SSH2: variants seen among roughly 807,000 people sequenced by gnomAD.
The protein encoded by SSH2 is protein phosphatase Slingshot homolog 2.
Under a neutral mutation model 135.2 loss-of-function variants are expected in SSH2, and 37 were observed. That is an observed-to-expected ratio of 0.27 (90% confidence interval 0.21 to 0.36). The LOEUF is 0.36. Among genes scored for constraint, SSH2 ranks in the 10% least tolerant of loss-of-function variants. The pLI, the probability that SSH2 is intolerant of heterozygous loss-of-function variation, is 1.00. For synonymous variants in SSH2, 628 were observed against 646.2 expected (o/e 0.97, Z 0.43); for missense variants, 1,408 against 1,765.3 (o/e 0.80, Z 3.63).
chr17:29,721,340 C>T (rs1369380908), intron 3 of SSH2, among the ~76,000 whole-genome samples: 2 of 152,190 alleles, frequency 1.3e-5, no homozygotes, highest in African/African-American at 4.8e-5. Flanking sequence ...TATAATCCTA[C>T]ACTTGTTCCC....
chr17:29,728,210 T>C (rs538299161), intron 3 of SSH2, among the ~76,000 whole-genome samples: 2 of 152,114 alleles, frequency 1.3e-5, no homozygotes, highest in South Asian at 4.2e-4. Context: ...TCAGTAAAAT[T>C]GTGGGATACA....
At chr17:29,901,908 C>T (rs776619175) in intron 1 of SSH2, among the ~76,000 whole-genome samples, 4 of 152,084 alleles carry the variant, frequency 2.6e-5, no homozygotes, top group Non-Finnish European at 5.9e-5. Context: ...CTCAGCCTCT[C>T]AAGTAGTAAG....
intron 2 of SSH2, among the ~76,000 whole-genome samples, chr17:29,819,441 AAAAT>A (rs766394318): frequency 1.1e-4 from 17 of 152,340 alleles, no homozygotes; most frequent in South Asian, 6.2e-4. Context: ...TATTTTGTAT[AAAAT>A]AAATAGTCAA....
At chr17:29,670,865 T>C (rs573356441) in intron 9 of SSH2, among the ~76,000 whole-genome samples, 17 of 152,342 alleles carry the variant, frequency 1.1e-4, no homozygotes, top group African/African-American at 4.1e-4. Flanking sequence ...AGGAGAATCC[T>C]GAAGGTCAGA....
intron 2 of SSH2, among the ~76,000 whole-genome samples, chr17:29,814,130 C>CAAAA (rs1402714927): frequency 1.9e-4 from 4 of 21,136 alleles, no homozygotes; most frequent in African/African-American, 7.6e-4. Context: ...GACTTCGTCT[C>CAAAA]AAAAAAAAAA....
At chr17:29,687,969 A>G (rs191897979) in intron 5 of SSH2, among the ~76,000 whole-genome samples, 1 of 152,280 alleles carries the variant, frequency 6.6e-6, no homozygotes, top group Admixed American at 6.5e-5. Flanking sequence ...GTGGGCTGCA[A>G]GAGTTTCTTT....
intron 8 of SSH2, 81 bp downstream of exon 8, chr17:29,676,739 G>A (rs2037737880): frequency 2.6e-6 from 3 of 1,148,316 alleles, no homozygotes; most frequent in Admixed American, 3.5e-5. Context: ...ATAGCAAACT[G>A]TACCATTTCA....
chr17:29,750,455 T>TAAAA (rs1567946002), intron 3 of SSH2, among the ~76,000 whole-genome samples: 1 of 128,136 alleles, frequency 7.8e-6, no homozygotes, highest in Non-Finnish European at 1.8e-5. Flanking sequence ...AAAAAAAAAT[T>TAAAA]TTTTTTTAAA....
At chr17:29,652,583 C>T (rs1255873675) in intron 12 of SSH2, among the ~76,000 whole-genome samples, 1 of 152,048 alleles carries the variant, frequency 6.6e-6, no homozygotes, top group African/African-American at 2.4e-5. Flanking sequence ...GGCAACACTC[C>T]AGCCTGGGTG....
rs116987394 is a variant in SSH2 at position 29,820,193 on chromosome 17, A to G, written c.145-26256T>C. On this transcript the variant is annotated intron_variant, in intron 2 of 15. Coordinates refer to ENST00000540801, the MANE Select transcript of SSH2 (RefSeq NM_001282129.2). The stretch of plus-strand genomic sequence containing the variant: ...TGTACTGGTTAAAGACCTAATGATA[A>G]TAATAGCTATGTGAATAATGTAAAG... 8.9e-4 allele frequency among the ~76,000 whole-genome samples: 136 copies of G among 152,344 alleles called. 1 individual carries two copies. In the East Asian group the frequency reaches 0.023, roughly 25 times the overall value.
In SSH2 at chr17:29,667,189, T is replaced by C. The variant is rs1451178945; in HGVS notation, c.844A>G (p.Lys282Glu). The change falls in exon 10 of 16, where the codon AAA becomes GAA. Residue 282 changes from lysine (K) to glutamate (E), a missense_variant. Lys to Glu is a moderately conservative substitution (Grantham distance 56). Coordinates refer to ENST00000540801, the MANE Select transcript of SSH2 (RefSeq NM_001282129.2). ...TERERTERLI[K>E]TKLREIMMQK... ...ATCATGATCTCCCTTAATTTGGTTT[T>C]AATTAGCCTTTCTGTTCGTTCACGT... The C allele has an allele frequency of 5.6e-6, 9 of 1,613,162 alleles. No individual in the cohort carries two copies. Among genetic ancestry groups the C allele is most frequent in the Non-Finnish European group, 7.6e-6 (9 of 1,179,296 alleles).
chr17:29,735,984 C>T (rs955399652), intron 3 of SSH2, among the ~76,000 whole-genome samples: 1 of 151,544 alleles, frequency 6.6e-6, no homozygotes, highest in African/African-American at 2.4e-5. Context: ...GTAATCCTAG[C>T]TACCTGTGAG....
chr17:29,732,763 CTG>C (rs879713231), intron 3 of SSH2, among the ~76,000 whole-genome samples: 14 of 152,134 alleles, frequency 9.2e-5, no homozygotes, highest in Non-Finnish European at 1.6e-4. Flanking sequence ...AACAGAAAAA[CTG>C]TATTGGTGTG....
intron 5 of SSH2, among the ~76,000 whole-genome samples, chr17:29,688,878 G>A (rs1370664621): frequency 1.3e-5 from 2 of 152,120 alleles, no homozygotes; most frequent in Admixed American, 6.5e-5. Flanking sequence ...CTTTTAGGCC[G>A]GGCGCAGTGG....
At chr17:29,767,376 C>CT (rs59803619) in intron 3 of SSH2, among the ~76,000 whole-genome samples, 83,633 of 144,988 alleles carry the variant, frequency 0.58, 25,251 homozygotes, top group African/African-American at 0.79. Flanking sequence ...TTTCTTTTTT[C>CT]TTTTTTTTTT....
In SSH2 at chr17:29,767,433, T is replaced by C. The variant is rs1053574573; in HGVS notation, c.188+26461A>G. Among the ~76,000 whole-genome samples the C allele has an allele frequency of 1.1e-4, 16 of 152,032 alleles. No homozygotes were observed. In the East Asian group the frequency reaches 3.1e-3, roughly 29 times the overall value. On this transcript the variant is annotated intron_variant, in intron 3 of 15. Transcript: ENST00000540801. ...CATTTTATTTTTTAAACTAGTTTTTTTTTTAAATAACATTAACACATGCTG... is the reference window on the plus strand; with the variant it reads ...CATTTTATTTTTTAAACTAGTTTTTCTTTTAAATAACATTAACACATGCTG...
At chr17:29,870,586 A>C (rs2065922635) in intron 1 of SSH2, among the ~76,000 whole-genome samples, 2 of 152,198 alleles carry the variant, frequency 1.3e-5, no homozygotes, top group Admixed American at 1.3e-4. Context: ...TTTTAGCAGT[A>C]AGCAAGTCCC....
At chr17:29,681,403 G>A (rs1262295488) in intron 6 of SSH2, among the ~76,000 whole-genome samples, 1 of 145,934 alleles carries the variant, frequency 6.9e-6, no homozygotes, top group East Asian at 2.0e-4. Flanking sequence ...ACTGAATAAG[G>A]CACGCTTGGT....
intron 1 of SSH2, among the ~76,000 whole-genome samples, chr17:29,886,117 G>T (rs1163077406): frequency 6.6e-6 from 1 of 152,198 alleles, no homozygotes; most frequent in African/African-American, 2.4e-5. Flanking sequence ...ACAGAAAAAT[G>T]TGGGAAAGTT....
Sources: allele counts gnomAD v4.1 joint callset (sites outside exome capture counted in the v4.1 genomes callset), GRCh38; gene constraint gnomAD v4.1.1; transcripts MANE v1.5; gene names NCBI Gene and HGNC (gene_info 2026-07-23, HGNC 2026-07-21).